The following GGTA1 variants were observed in gnomAD, a reference collection of about 807,000 sequenced individuals.
GGTA1 encodes inactive N-acetyllactosaminide alpha-1,3-galactosyltransferase.
GGTA1 carries 5 observed loss-of-function variants against 2.6 expected under a neutral mutation model. The ratio of observed to expected loss-of-function variants is 1.92; its 90% confidence interval spans 1.00 to 4.04. The LOEUF (loss-of-function observed/expected upper bound fraction) is 4.04. Among genes scored for constraint, GGTA1 ranks in the 30% most tolerant of loss-of-function variants. The pLI is 0.00. For missense variants in GGTA1, 50 were observed against 16.7 expected (o/e 2.99, Z -3.47); for synonymous variants, 17 against 5.0 (o/e 3.38, Z -3.19).
In GGTA1 at chr9:121,455,732, G is replaced by A. The variant is rs184504769; in HGVS notation, c.*105C>T. The A allele has an allele frequency of 5.9e-4, 231 of 394,032 alleles. 1 individual carries two copies. In the Admixed American group the frequency reaches 6.8e-3, roughly 12 times the overall value. 24.4% of individuals were successfully genotyped at this position (394,032 alleles called of 1,614,324 possible). A position where few individuals can be genotyped will look rare whatever the true frequency, so the allele number is the denominator to read the frequency against. On this transcript the variant is annotated 3_prime_UTR_variant, in exon 6 of 6. Transcript: ENST00000481799. ...CTTGAGAATCTCGCAGTCCCAACAG[G>A]TGGTCCGCCTGTTACACACTCCTTA...
chr9:121,459,353 C>G (rs1300027868), intron 5 of GGTA1, among the ~76,000 whole-genome samples: 1 of 152,134 alleles, frequency 6.6e-6, no homozygotes, highest in African/African-American at 2.4e-5. Flanking sequence ...ACTCAGGAGG[C>G]TAAGCCTGGG....
At chr9:121,496,379 C>T (rs1828992321) in intron 1 of GGTA1, among the ~76,000 whole-genome samples, 1 of 152,074 alleles carries the variant, frequency 6.6e-6, no homozygotes, top group Non-Finnish European at 1.5e-5. Flanking sequence ...TCACCATATC[C>T]CTATTCTGCC....
chr9:121,445,155 T>C (rs944053214), exon 8 of GGTA1: 1 of 152,230 alleles, frequency 6.6e-6, no homozygotes, highest in African/African-American at 2.4e-5. Context: ...TCCTTTGCTC[T>C]AAACTTTCAG....
At chr9:121,497,942 T>C (rs1217971913) in intron 1 of GGTA1, among the ~76,000 whole-genome samples, 1 of 152,174 alleles carries the variant, frequency 6.6e-6, no homozygotes, top group Non-Finnish European at 1.5e-5. Context: ...GCTCCTAGCC[T>C]ATGATTTAGG....
At chr9:121,445,450 C>T (rs116316262) in exon 8 of GGTA1, 3 of 152,196 alleles carry the variant, frequency 2.0e-5, no homozygotes, top group Admixed American at 6.5e-5. Flanking sequence ...CAGTATACAT[C>T]AGGCTAGTGC....
downstream of GGTA1, among the ~76,000 whole-genome samples, chr9:121,454,627 T>C (rs1483628283): frequency 6.6e-6 from 1 of 152,206 alleles, no homozygotes; most frequent in East Asian, 1.9e-4. Context: ...AGCTACCACG[T>C]ACACTATTTC....
At chr9:121,458,694 A>G (rs964097637) in intron 5 of GGTA1, among the ~76,000 whole-genome samples, 1 of 152,098 alleles carries the variant, frequency 6.6e-6, no homozygotes, top group African/African-American at 2.4e-5. Flanking sequence ...AAAAATAAAT[A>G]TCTGCTCCCT....
At position 121,496,731 on chromosome 9, in the gene GGTA1, C is replaced by CAAAAAAAAAAAAAAAAAAAAAA. The variant is rs772847384; in HGVS notation, c.-10+2897_-10+2918dup. 9.6e-5 allele frequency among the ~76,000 whole-genome samples: 3 copies of CAAAAAAAAAAAAAAAAAAAAAA among 31,212 alleles called. 1 individual carries two copies. Among genetic ancestry groups the CAAAAAAAAAAAAAAAAAAAAAA allele is most frequent in the Non-Finnish European group, 1.7e-4 (3 of 17,918 alleles). 20.5% of individuals were successfully genotyped at this position (31,212 alleles called of 152,430 possible). A position where few individuals can be genotyped will look rare whatever the true frequency, so the allele number is the denominator to read the frequency against. On this transcript the variant is annotated intron_variant, in intron 1 of 5. Coordinates refer to ENST00000481799, the MANE Select transcript of GGTA1 (RefSeq NM_001382585.1). ...TGAGTGACAGAGCAAGGCTCCATCT[C>CAAAAAAAAAAAAAAAAAAAAAA]AAAAAAAAAAAAAAAAAAAAAAAAA...
chr9:121,463,533 C>T (rs2064977999), intron 2 of GGTA1, among the ~76,000 whole-genome samples: 1 of 151,990 alleles, frequency 6.6e-6, no homozygotes, highest in South Asian at 2.1e-4. Context: ...AAACAGTTTT[C>T]TGCAAAATCT....
At chr9:121,495,653 A>G (rs1828976174) in intron 1 of GGTA1, among the ~76,000 whole-genome samples, 1 of 152,186 alleles carries the variant, frequency 6.6e-6, no homozygotes, top group Non-Finnish European at 1.5e-5. Context: ...TGCTCTCAGT[A>G]TGTTCCAGTA....
intron 1 of GGTA1, among the ~76,000 whole-genome samples, chr9:121,474,422 G>A (rs531883746): frequency 1.3e-3 from 202 of 152,272 alleles, no homozygotes; most frequent in Non-Finnish European, 2.2e-3. Context: ...CATTTTGCAA[G>A]GCAGGGTCAC....
chr9:121,478,659 A>G (rs2118727163), intron 1 of GGTA1, among the ~76,000 whole-genome samples: 1 of 152,362 alleles, frequency 6.6e-6, no homozygotes, highest in Admixed American at 6.5e-5. Flanking sequence ...TAAGGGTCAG[A>G]GTAAACAGAC....
chr9:121,475,291 G>C (rs1025813233), intron 1 of GGTA1, among the ~76,000 whole-genome samples: 1 of 152,020 alleles, frequency 6.6e-6, no homozygotes, highest in Non-Finnish European at 1.5e-5. Flanking sequence ...TACCCTATAT[G>C]GTCTAAAAAG....
chr9:121,485,527 G>A (rs1828739855), intron 1 of GGTA1, among the ~76,000 whole-genome samples: 1 of 152,168 alleles, frequency 6.6e-6, no homozygotes, highest in Non-Finnish European at 1.5e-5. Context: ...GGGATAGAGG[G>A]AGTTGCCAAA....
At chr9:121,478,315 C>T (rs1233886855) in intron 1 of GGTA1, among the ~76,000 whole-genome samples, 3 of 152,204 alleles carry the variant, frequency 2.0e-5, no homozygotes, top group Non-Finnish European at 4.4e-5. Flanking sequence ...TGTGGGGTGT[C>T]CTCACTCACA....
At chr9:121,464,324 G>GTT (rs10681377) in intron 2 of GGTA1, among the ~76,000 whole-genome samples, 59,675 of 111,904 alleles carry the variant, frequency 0.53, 17,369 homozygotes, top group South Asian at 0.64. Context: ...CCTCCTTGAG[G>GTT]TTTTTTTTTT....
chr9:121,453,185 C>T (rs2064886953), downstream of GGTA1, among the ~76,000 whole-genome samples: 1 of 152,176 alleles, frequency 6.6e-6, no homozygotes, highest in Non-Finnish European at 1.5e-5. Flanking sequence ...AACCAGGAGA[C>T]AAAGGCGCCA....
At chr9:121,451,375 CG>C (rs1331009610), downstream of GGTA1, among the ~76,000 whole-genome samples, 9 of 152,098 alleles carry the variant, frequency 5.9e-5, no homozygotes, top group Non-Finnish European at 8.8e-5. Flanking sequence ...TTCATAGAGA[CG>C]GGGTTTCACC....
intron 7 of GGTA1, among the ~76,000 whole-genome samples, chr9:121,449,855 A>AG (rs2064869719): frequency 6.6e-6 from 1 of 151,546 alleles, no homozygotes; most frequent in African/African-American, 2.4e-5. Flanking sequence ...AAAAAAAAAA[A>AG]AAAAGAAGAA....
Sources: allele counts gnomAD v4.1 joint callset (sites outside exome capture counted in the v4.1 genomes callset), GRCh38; gene constraint gnomAD v4.1.1; transcripts MANE v1.5; gene names NCBI Gene and HGNC (gene_info 2026-07-23, HGNC 2026-07-21).